The following MELTF variants were observed in gnomAD, a reference collection of about 807,000 sequenced individuals.
MELTF encodes melanotransferrin.
MELTF carries 67 observed loss-of-function variants against 83.7 expected under a neutral mutation model. The ratio of observed to expected loss-of-function variants is 0.80; its 90% CI spans 0.66 to 0.98. The LOEUF (loss-of-function observed/expected upper bound fraction) is 0.98. Among genes scored for constraint, MELTF ranks in the 50% least tolerant of loss-of-function variants. MELTF has a pLI of 0.00. For synonymous variants in MELTF, 462 were observed against 447.6 expected (o/e 1.03, Z -0.41); for missense variants, 1,002 against 1,035.6 (o/e 0.97, Z 0.44).
At position 197,022,225 on chromosome 3, in the gene MELTF, AT is replaced by A. The variant is rs146416333; in HGVS notation, c.644+731del. ...CCCCACGGGCAGAAAATGCACAGGG[AT>A]TAGAGCAGATCGGGGCGGGCGACAT... On this transcript the variant is annotated intron_variant, in intron 5 of 15. Coordinates refer to ENST00000296350, the MANE Select transcript of MELTF (RefSeq NM_005929.6). The surrounding 1 kb of genome is among the most constrained non-coding windows in gnomAD (Gnocchi z 5.1). 5.4e-3 allele frequency among the ~76,000 whole-genome samples: 817 copies of A among 152,248 alleles called. 3 individuals carry two copies. The highest frequency in any genetic ancestry group is 0.019 in the African/African-American group (779 of 41,534).
At position 197,029,596 on chromosome 3, in the gene MELTF, C is replaced by T. The variant is rs1720004696; in HGVS notation, c.49+58G>A. 1 of 1,222,430 alleles carries T rather than the reference C, an allele frequency of 8.2e-7. No homozygotes were observed. 75.7% of individuals were successfully genotyped at this position (1,222,430 alleles called of 1,614,324 possible). On this transcript the variant is annotated intron_variant, in intron 1 of 15. Transcript: ENST00000296350. This position sits in a 1 kb window ranked among gnomAD's most constrained non-coding sequence, Gnocchi z 6.5. ...ATTTCCAGCCCCGGGACCTGCTCAG[C>T]CGGGCCGCGGCGCCCCGGGACCCCC...
rs909778227 is a variant in MELTF, at chr3:197,024,625, G to A, written c.305-140C>T. ...ACACGGATGTGTGCATAGCGTTCTC[G>A]TTACCAAGAGAGCAAGTGGGCTTCA... On this transcript the variant is annotated intron_variant, in intron 3 of 15. Coordinates refer to ENST00000296350, the MANE Select transcript of MELTF (RefSeq NM_005929.6). This position sits in a 1 kb window ranked among gnomAD's most constrained non-coding sequence, Gnocchi z 5.3. 2.0e-5 allele frequency: 12 copies of A among 589,264 alleles called. No individual in the cohort carries two copies. Among genetic ancestry groups the A allele is most frequent in the Middle Eastern group, 9.9e-4 (2 of 2,024 alleles). The allele number at this position is 589,264 out of a possible 1,614,324, so 36.5% of individuals were successfully genotyped here.
chr3:197,015,125 C>T (rs1328465032), intron 9 of MELTF, among the ~76,000 whole-genome samples: 3 of 152,206 alleles, frequency 2.0e-5, no homozygotes, highest in East Asian at 1.9e-4. Flanking sequence ...AGGGGACTCA[C>T]CCCTATCTGC....
intron 9 of MELTF, among the ~76,000 whole-genome samples, chr3:197,014,001 C>A (rs779201170): frequency 6.6e-6 from 1 of 152,194 alleles, no homozygotes; most frequent in Non-Finnish European, 1.5e-5. Flanking sequence ...GTAATCCCAC[C>A]ACTGGGAATC....
chr3:197,026,466 G>T (rs1442491363), intron 3 of MELTF, 194 bp downstream of exon 3: 5 of 592,842 alleles, frequency 8.4e-6, no homozygotes, highest in South Asian at 5.9e-5. Context: ...GCAGACTTGG[G>T]GCAGCTCTCT....
intron 6 of MELTF, chr3:197,018,888 C>A: frequency 6.2e-6 from 6 of 968,876 alleles, no homozygotes; most frequent in Non-Finnish European, 7.4e-6. Context: ...GCAAGAGTAA[C>A]TATTAACACC....
chr3:197,003,940 C>G lies in MELTF; in HGVS notation c.2098G>C (p.Ala700Pro), dbSNP rs1320872786. Reference protein sequence around the residue: ...RGWLGLDYVAALEGMSSQQCS... With the variant: ...RGWLGLDYVAPLEGMSSQQCS... The stretch of plus-strand genomic sequence containing the variant: ...TGCTGAGACGACATCCCTTCCAGCG[C>G]CGCCACGTAGTCCAGCCCCAGCCAG... Residue 700 changes from alanine to proline, a missense_variant, in exon 15 of 16, where the codon GCG becomes CCG. By Grantham distance (27) the Ala-to-Pro change is conservative (BLOSUM62 -1). Transcript: ENST00000296350. The surrounding 1 kb of genome is among the most constrained non-coding windows in gnomAD (Gnocchi z 6.2). 1 of 1,613,938 alleles carries G rather than the reference C, an allele frequency of 6.2e-7. No individual in the cohort carries two copies. Among genetic ancestry groups the G allele is most frequent in the Non-Finnish European group, 8.5e-7 (1 of 1,180,026 alleles).
intron 9 of MELTF, 37 bp downstream of exon 9, chr3:197,015,328 G>C: frequency 6.5e-7 from 1 of 1,532,440 alleles, no homozygotes; most frequent in South Asian, 1.2e-5. Context: ...GCCACCACCC[G>C]CCCACCTGGC....
In MELTF at chr3:197,013,410, A is replaced by G. The variant is rs540882381; in HGVS notation, c.1233+1955T>C. On this transcript the variant is annotated intron_variant, in intron 9 of 15. Coordinates refer to ENST00000296350, the MANE Select transcript of MELTF (RefSeq NM_005929.6). ...AGGCCTAAATGCAGGGCCCAAGACAATAAAATTGCTGAAGAGAATATAGGC... is the reference window on the plus strand; with the variant it reads ...AGGCCTAAATGCAGGGCCCAAGACAGTAAAATTGCTGAAGAGAATATAGGC... Among the ~76,000 whole-genome samples, 4 of 152,348 alleles carry G rather than the reference A, an allele frequency of 2.6e-5. No homozygotes were observed. In the South Asian group the frequency reaches 8.3e-4, roughly 32 times the overall value.
chr3:197,024,121 GC>G lies in MELTF; in HGVS notation c.487+181del, dbSNP rs1285299356. Among the ~76,000 whole-genome samples the G allele has an allele frequency of 6.6e-6, 1 of 151,772 alleles. No individual in the cohort carries two copies. The highest frequency in any genetic ancestry group is 6.6e-5 in the Admixed American group (1 of 15,262). On this transcript the variant is annotated intron_variant, in intron 4 of 15. Transcript: ENST00000296350. The surrounding 1 kb of genome is among the most constrained non-coding windows in gnomAD (Gnocchi z 5.3). Reference sequence around the variant, plus strand: ...AGGGTCCAAGCAAGCAGGAAGTCAAGCGGCGGCGCCGGCGGCAGAGTGGAGG... The same window carrying G: ...AGGGTCCAAGCAAGCAGGAAGTCAAGGGCGGCGCCGGCGGCAGAGTGGAGG...
chr3:197,018,842 A>G (rs1458964620), intron 6 of MELTF: 6 of 791,946 alleles, frequency 7.6e-6, no homozygotes, highest in African/African-American at 1.9e-5. Flanking sequence ...GAAACTTTCC[A>G]TAAGTTCATT....
intron 5 of MELTF, 65 bp from the exon 6 acceptor site, chr3:197,021,536 G>T: frequency 6.6e-7 from 1 of 1,510,768 alleles, no homozygotes; most frequent in Non-Finnish European, 9.1e-7. Context: ...TTCCACCTCT[G>T]GAGGCCTGGC....
At chr3:197,018,741 A>G (rs945473719) in intron 6 of MELTF, among the ~76,000 whole-genome samples, 1 of 152,218 alleles carries the variant, frequency 6.6e-6, no homozygotes, top group Non-Finnish European at 1.5e-5. Flanking sequence ...CACCGTGCCC[A>G]GCCTCCTTTT....
At chr3:197,018,096 T>C (rs1719471620) in intron 6 of MELTF, among the ~76,000 whole-genome samples, 1 of 152,212 alleles carries the variant, frequency 6.6e-6, no homozygotes, top group South Asian at 2.1e-4. Flanking sequence ...CATATTGCGA[T>C]GGATTTCTTT....
At chr3:197,012,042 C>T (rs1474665639) in intron 9 of MELTF, among the ~76,000 whole-genome samples, 1 of 152,234 alleles carries the variant, frequency 6.6e-6, no homozygotes, top group Non-Finnish European at 1.5e-5. Flanking sequence ...GCCCTTTCCG[C>T]AGTTCCGGTG....
rs1394213307 is a variant in MELTF at position 197,008,827 on chromosome 3, C to A, written c.1664G>T (p.Gly555Val). The A allele has an allele frequency of 6.2e-7, 1 of 1,614,172 alleles. No individual in the cohort carries two copies. The highest frequency in any genetic ancestry group is 8.5e-7 in the Non-Finnish European group (1 of 1,180,034). ...CVGNSQERYY[G>V]YRGAFRCLVE... ...CGGGTACCTGAAGGCGCCGCGGTAG[C>A]CGTAATACCGCTCCTGGCTGTTGCC... The change falls in exon 12 of 16, where the codon GGC becomes GTC. Residue 555 changes from glycine (G) to valine (V), a missense_variant. Transcript: ENST00000296350. The surrounding 1 kb of genome is among the most constrained non-coding windows in gnomAD (Gnocchi z 5.4).
Position 197,003,791 on chromosome 3 carries a change from C to T in MELTF, c.2137+110G>A, listed in dbSNP as rs938209319. Reference sequence around the variant, plus strand: ...GACACCCCACCTGGACTGCTGCGAACGGGCCTCCACCCGCCTCCCCGGACC... The same window carrying T: ...GACACCCCACCTGGACTGCTGCGAATGGGCCTCCACCCGCCTCCCCGGACC... On this transcript the variant is annotated intron_variant, in intron 15 of 15. Coordinates refer to ENST00000296350, the MANE Select transcript of MELTF (RefSeq NM_005929.6). The surrounding 1 kb of genome is among the most constrained non-coding windows in gnomAD (Gnocchi z 6.2). 3.6e-5 allele frequency: 42 copies of T among 1,176,780 alleles called. No homozygotes were observed. The highest frequency in any genetic ancestry group is 4.8e-5 in the Non-Finnish European group (40 of 838,308). The allele number at this position is 1,176,780 out of a possible 1,614,324, so 72.9% of individuals were successfully genotyped here.
Position 197,001,942 on chromosome 3 carries a change from C to T in MELTF, c.*1430G>A, listed in dbSNP as rs57615495. The T allele has an allele frequency of 0.02, 3,120 of 152,448 alleles. 60 individuals are homozygous for T. Among genetic ancestry groups the T allele is most frequent in the African/African-American group, 0.049 (2,043 of 41,560 alleles). 9.4% of individuals were successfully genotyped at this position (152,448 alleles called of 1,614,324 possible). On this transcript the variant is annotated 3_prime_UTR_variant, in exon 16 of 16. Transcript: ENST00000296350. ...CCAGAGTTAGCCACACAGAAACACA[C>T]TTCTCACCGCACAAAACTCCCTTTT...
Position 197,007,737 on chromosome 3 carries a change from C to T in MELTF, c.1750+920G>A, listed in dbSNP as rs1326873643. Reference sequence around the variant, plus strand: ...AGCTCTGCTGGGGCAAATGGTCCTACCGCCTTGGTGACCCCCATAGGAGGC... The same window carrying T: ...AGCTCTGCTGGGGCAAATGGTCCTATCGCCTTGGTGACCCCCATAGGAGGC... On this transcript the variant is annotated intron_variant, in intron 13 of 15. Transcript: ENST00000296350. The surrounding 1 kb of genome is among the most constrained non-coding windows in gnomAD (Gnocchi z 4.3). 6.6e-6 allele frequency among the ~76,000 whole-genome samples: 1 copy of T among 152,214 alleles called. No homozygotes were observed. The highest frequency in any genetic ancestry group is 1.5e-5 in the Non-Finnish European group (1 of 68,042).
Sources: allele counts gnomAD v4.1 joint callset (sites outside exome capture counted in the v4.1 genomes callset), GRCh38; gene constraint gnomAD v4.1.1; non-coding constraint Gnocchi (gnomAD v3.1); transcripts MANE v1.5; gene names NCBI Gene and HGNC (gene_info 2026-07-23, HGNC 2026-07-21).